Variants in SDK1 observed in about 807,000 individuals in gnomAD.
The protein encoded by SDK1 is sidekick cell adhesion molecule 1, also known as protein sidekick-1.
A neutral mutation model predicts 245.5 loss-of-function variants in SDK1; 157 were observed. The observed-to-expected ratio is 0.64, with a 90% confidence interval of 0.56 to 0.73. SDK1 has a LOEUF of 0.73. Among genes scored for constraint, SDK1 ranks in the 30% least tolerant of loss-of-function variants. The pLI is 0.00. For missense variants in SDK1, 3,583 were observed against 3,002.3 expected (o/e 1.19, Z -4.52); for synonymous variants, 1,647 against 1,278.5 (o/e 1.29, Z -6.15).
chr7:3,577,937 G>C (rs1280997539), intron 1 of SDK1, among the ~76,000 whole-genome samples: 2 of 152,028 alleles, frequency 1.3e-5, no homozygotes, highest in African/African-American at 4.8e-5. Context: ...GGAGCTCTTA[G>C]AGAAATGATT....
At chr7:3,371,956 A>T (rs183814159) in intron 1 of SDK1, among the ~76,000 whole-genome samples, 15 of 152,228 alleles carry the variant, frequency 9.9e-5, no homozygotes, top group Non-Finnish European at 1.8e-4. Context: ...GGTTGTGAAG[A>T]AACACAGGTT....
At chr7:3,522,041 A>G (rs914174827) in intron 1 of SDK1, among the ~76,000 whole-genome samples, 4 of 152,114 alleles carry the variant, frequency 2.6e-5, no homozygotes, top group Admixed American at 6.5e-5. Flanking sequence ...TATTTAGATC[A>G]TCTTAAATCT....
At chr7:4,262,020 T>A (rs1486162225) in intron 44 of SDK1, among the ~76,000 whole-genome samples, 26 of 59,786 alleles carry the variant, frequency 4.3e-4, no homozygotes, top group South Asian at 1.6e-3. Context: ...GCTTTCTCCT[T>A]TTTTTTTTTT....
intron 1 of SDK1, among the ~76,000 whole-genome samples, chr7:3,431,240 C>T (rs1779836441): frequency 6.6e-6 from 1 of 152,016 alleles, no homozygotes; most frequent in African/African-American, 2.4e-5. Flanking sequence ...GATCACCATA[C>T]ATGCTCTGCT....
chr7:4,090,541 G>C (rs899755383), intron 22 of SDK1, among the ~76,000 whole-genome samples: 35 of 152,130 alleles, frequency 2.3e-4, no homozygotes, highest in African/African-American at 8.5e-4. Flanking sequence ...GGCGATTTGG[G>C]GGTGGCGGGG....
intron 2 of SDK1, among the ~76,000 whole-genome samples, chr7:3,630,225 A>G (rs1051608811): frequency 5.3e-5 from 8 of 152,200 alleles, no homozygotes; most frequent in African/African-American, 1.9e-4. Flanking sequence ...ATTTTTTCAA[A>G]TTTGCAAATC....
chr7:4,233,488 C>T, intron 41 of SDK1, 69 bp downstream of exon 41: 1 of 1,486,326 alleles, frequency 6.7e-7, no homozygotes, highest in Non-Finnish European at 9.2e-7. Context: ...GAGGGGGACC[C>T]AGGGAGGTCT....
chr7:3,427,541 T>A (rs999720749), intron 1 of SDK1, among the ~76,000 whole-genome samples: 2 of 144,072 alleles, frequency 1.4e-5, no homozygotes, highest in Non-Finnish European at 3.0e-5. Flanking sequence ...AAAAAAAAAA[T>A]CAGAAGAATT....
Position 4,114,288 on chromosome 7 carries a change from G to T in SDK1, c.3823+14G>T, listed in dbSNP as rs770460304. On this transcript the variant is annotated intron_variant, in intron 25 of 44. Coordinates refer to ENST00000404826, the MANE Select transcript of SDK1 (RefSeq NM_152744.4). ...CGCGGGAGTCAGGTGAGGGGAAGGCGATTCCCATCCTGGAGACACCGCATT... is the reference window on the plus strand; with the variant it reads ...CGCGGGAGTCAGGTGAGGGGAAGGCTATTCCCATCCTGGAGACACCGCATT... 1 of 1,573,332 alleles carries T rather than the reference G, an allele frequency of 6.4e-7. No individual in the cohort carries two copies.
At chr7:4,011,239 A>C in intron 15 of SDK1, 126 bp downstream of exon 15, 1 of 1,215,136 alleles carries the variant, frequency 8.2e-7, no homozygotes, top group East Asian at 2.6e-5. Flanking sequence ...GAGACGGGAC[A>C]AACCGTGAGC....
rs746941647 is a variant in SDK1, at chr7:3,667,731, C to A, written c.713+25626C>A. On this transcript the variant is annotated intron_variant, in intron 4 of 44. Transcript: ENST00000404826. ...CCTTTGAATCTGGCTTGTTTCAGTTCTCGTAATGCATCTGGTACTCATCTC... is the reference window on the plus strand; with the variant it reads ...CCTTTGAATCTGGCTTGTTTCAGTTATCGTAATGCATCTGGTACTCATCTC... 2.2e-4 allele frequency among the ~76,000 whole-genome samples: 34 copies of A among 152,134 alleles called. 1 individual carries two copies. The highest frequency in any genetic ancestry group is 1.6e-4 in the Non-Finnish European group (11 of 68,028).
intron 20 of SDK1, among the ~76,000 whole-genome samples, chr7:4,069,018 G>T (rs1317700584): frequency 6.6e-6 from 1 of 152,116 alleles, no homozygotes; most frequent in African/African-American, 2.4e-5. Context: ...CACTGCGCCT[G>T]GCCAAATTTT....
chr7:3,978,205 T>A lies in SDK1; in HGVS notation c.1994+3660T>A, dbSNP rs539009478. Among the ~76,000 whole-genome samples the A allele has an allele frequency of 1.1e-3, 161 of 152,278 alleles. 1 individual carries two copies. Among genetic ancestry groups the A allele is most frequent in the African/African-American group, 3.6e-3 (150 of 41,560 alleles). On this transcript the variant is annotated intron_variant, in intron 13 of 44. Coordinates refer to ENST00000404826, the MANE Select transcript of SDK1 (RefSeq NM_152744.4). The stretch of plus-strand genomic sequence containing the variant: ...AGAACCTTAGATCATCCATCGTTGG[T>A]ATCAAATAAATAAGCGTTAGCAGTT...
chr7:3,959,064 A>G, intron 8 of SDK1, 50 bp downstream of exon 8: 1 of 1,385,948 alleles, frequency 7.2e-7, no homozygotes, highest in South Asian at 1.2e-5. Flanking sequence ...GGAGGAAGGG[A>G]AACAACCTTT....
chr7:3,789,129 G>T lies in SDK1; in HGVS notation c.714-32321G>T, dbSNP rs28541657. Among the ~76,000 whole-genome samples, 852 of 152,230 alleles carry T rather than the reference G, an allele frequency of 5.6e-3. 9 individuals carry two copies. The highest frequency in any genetic ancestry group is 0.02 in the African/African-American group (819 of 41,562). On this transcript the variant is annotated intron_variant, in intron 4 of 44. Coordinates refer to ENST00000404826, the MANE Select transcript of SDK1 (RefSeq NM_152744.4). ...TTGACCCTAGGGAAGGCCACTAACCGGGGAAAGTAATTCCACTTGTAGCTG... is the reference window on the plus strand; with the variant it reads ...TTGACCCTAGGGAAGGCCACTAACCTGGGAAAGTAATTCCACTTGTAGCTG...
At chr7:3,565,562 A>G (rs1779884364) in intron 1 of SDK1, among the ~76,000 whole-genome samples, 1 of 152,236 alleles carries the variant, frequency 6.6e-6, no homozygotes, top group Non-Finnish European at 1.5e-5. Flanking sequence ...TACTAGAACT[A>G]AAGAGTACAA....
intron 4 of SDK1, among the ~76,000 whole-genome samples, chr7:3,761,133 G>A (rs1052333182): frequency 5.9e-5 from 9 of 152,000 alleles, no homozygotes; most frequent in African/African-American, 1.9e-4. Flanking sequence ...ATCTGTAACA[G>A]AATGAGTAGC....
At chr7:3,907,108 AT>A (rs1778977006) in intron 5 of SDK1, among the ~76,000 whole-genome samples, 1 of 139,308 alleles carries the variant, frequency 7.2e-6, no homozygotes, top group Non-Finnish European at 1.5e-5. Context: ...ATTTAAATAT[AT>A]TCTCTCTTTT....
In SDK1 at chr7:4,012,091, A is replaced by T. The variant is rs1412948341; in HGVS notation, c.2280-4A>T. On this transcript the variant is annotated splice_polypyrimidine_tract_variant and splice_region_variant and intron_variant, in intron 15 of 44. Coordinates refer to ENST00000404826, the MANE Select transcript of SDK1 (RefSeq NM_152744.4). ...TCTTGTTCCTACCCGTCTTTTATTT[A>T]TAGGTTGATGCTACCTGAAGAACCA... 1 of 1,521,464 alleles carries T rather than the reference A, an allele frequency of 6.6e-7. No homozygotes were observed. The highest frequency in any genetic ancestry group is 2.2e-5 in the Admixed American group (1 of 44,696). 94.2% of individuals were successfully genotyped at this position (1,521,464 alleles called of 1,614,324 possible). A position where few individuals can be genotyped will look rare whatever the true frequency, so the allele number is the denominator to read the frequency against.
Sources: allele counts gnomAD v4.1 joint callset (sites outside exome capture counted in the v4.1 genomes callset), GRCh38; gene constraint gnomAD v4.1.1; transcripts MANE v1.5; gene names NCBI Gene and HGNC (gene_info 2026-07-23, HGNC 2026-07-21).